Variants in PTPRT observed in about 807,000 individuals in gnomAD.
PTPRT encodes protein tyrosine phosphatase receptor type T.
In PTPRT, 56 loss-of-function variants were observed where a neutral mutation model predicts 176.8. The ratio of observed to expected loss-of-function variants is 0.32; its 90% CI spans 0.26 to 0.40. The LOEUF is 0.40. PTPRT is among the 10% of genes least tolerant of loss of function. PTPRT has a pLI of 1.00. For missense variants in PTPRT, 1,540 were observed against 1,908.2 expected, an observed-to-expected ratio of 0.81 and a Z score of 3.60; for synonymous variants, 783 against 739.0, an observed-to-expected ratio of 1.06 and a Z score of -0.96.
intron 7 of PTPRT, among the ~76,000 whole-genome samples, chr20:42,558,573 G>C (rs775278782): frequency 2.0e-5 from 3 of 152,110 alleles, no homozygotes; most frequent in Admixed American, 6.6e-5. Flanking sequence ...GTTGGTGGGA[G>C]TGTGTATTAT....
intron 16 of PTPRT, among the ~76,000 whole-genome samples, chr20:42,187,713 A>G (rs1003755694): frequency 6.6e-6 from 1 of 152,212 alleles, no homozygotes; most frequent in Non-Finnish European, 1.5e-5. Flanking sequence ...CTTCTAATCC[A>G]TCAGCTCCTT....
intron 2 of PTPRT, among the ~76,000 whole-genome samples, chr20:42,857,203 C>A (rs988611152): frequency 1.3e-5 from 2 of 152,162 alleles, no homozygotes; most frequent in South Asian, 2.1e-4. Context: ...ACCTCACTTT[C>A]TTTTTCTCTA....
intron 13 of PTPRT, among the ~76,000 whole-genome samples, chr20:42,273,704 C>T (rs2056979509): frequency 6.6e-6 from 1 of 152,222 alleles, no homozygotes; most frequent in Admixed American, 6.5e-5. Flanking sequence ...TAAATGAATA[C>T]ATGAAAGTCT....
chr20:42,225,506 C>G (rs1313255638), intron 15 of PTPRT, among the ~76,000 whole-genome samples: 4 of 152,136 alleles, frequency 2.6e-5, no homozygotes, highest in African/African-American at 9.7e-5. Context: ...CTTTCCCTCT[C>G]TATAGCATTC....
At chr20:42,299,419 A>T (rs369064730) in intron 12 of PTPRT, among the ~76,000 whole-genome samples, 5 of 152,322 alleles carry the variant, frequency 3.3e-5, no homozygotes, top group South Asian at 4.1e-4. Flanking sequence ...AAGAGAGAAC[A>T]GAAAATATAT....
intron 19 of PTPRT, among the ~76,000 whole-genome samples, chr20:42,123,183 C>T (rs1470847528): frequency 6.6e-6 from 1 of 152,104 alleles, no homozygotes; most frequent in Non-Finnish European, 1.5e-5. Flanking sequence ...GAAAAAGAGA[C>T]CCTGGAGGAA....
At chr20:42,538,502 C>T (rs2072516213) in intron 7 of PTPRT, among the ~76,000 whole-genome samples, 1 of 152,184 alleles carries the variant, frequency 6.6e-6, no homozygotes, top group Non-Finnish European at 1.5e-5. Flanking sequence ...ATCTTGACCT[C>T]AGCCCCCTAA....
chr20:42,635,864 C>T (rs1380317855), intron 7 of PTPRT, among the ~76,000 whole-genome samples: 2 of 152,030 alleles, frequency 1.3e-5, no homozygotes, highest in African/African-American at 2.4e-5. Flanking sequence ...AGCTTGATAT[C>T]GTCACCAAGA....
At chr20:42,461,858 C>G (rs2071025655) in intron 8 of PTPRT, among the ~76,000 whole-genome samples, 1 of 150,396 alleles carries the variant, frequency 6.6e-6, no homozygotes, top group African/African-American at 2.4e-5. Flanking sequence ...GAAGATAGAG[C>G]TGGGTGTTTC....
intron 1 of PTPRT, among the ~76,000 whole-genome samples, chr20:43,001,305 G>A (rs1376372750): frequency 1.3e-5 from 2 of 152,066 alleles, no homozygotes; most frequent in Non-Finnish European, 2.9e-5. Context: ...TAATATGAAG[G>A]CATCTTAAAT....
chr20:42,101,286 A>G (rs1985912734), intron 26 of PTPRT, among the ~76,000 whole-genome samples: 1 of 152,204 alleles, frequency 6.6e-6, no homozygotes. Context: ...GGGCTGTGCC[A>G]CTAGCTCCCT....
chr20:42,630,146 A>G (rs1030926316), intron 7 of PTPRT, among the ~76,000 whole-genome samples: 1 of 152,082 alleles, frequency 6.6e-6, no homozygotes, highest in Non-Finnish European at 1.5e-5. Flanking sequence ...AGTCAGAGAG[A>G]GATGTCAAGA....
chr20:42,817,898 G>C (rs2077818113), intron 2 of PTPRT, among the ~76,000 whole-genome samples: 1 of 152,162 alleles, frequency 6.6e-6, no homozygotes, highest in African/African-American at 2.4e-5. Flanking sequence ...CGGCGGGAGG[G>C]GCAGCCACAG....
intron 9 of PTPRT, among the ~76,000 whole-genome samples, chr20:42,375,950 A>C (rs1406754165): frequency 6.6e-6 from 1 of 152,186 alleles, no homozygotes; most frequent in Non-Finnish European, 1.5e-5. Flanking sequence ...AAACAAACAA[A>C]CAACCACCAT....
Position 42,817,362 on chromosome 20 carries a change from G to GT in PTPRT, c.215-25897_215-25896insA, listed in dbSNP as rs1220761029. Among the ~76,000 whole-genome samples, 16 of 103,536 alleles carry GT rather than the reference G, an allele frequency of 1.5e-4. No individual in the cohort carries two copies. In the East Asian group the frequency reaches 2.5e-3, roughly 16 times the overall value. The allele number at this position is 103,536 out of a possible 152,430, so 67.9% of individuals were successfully genotyped here. On this transcript the variant is annotated intron_variant, in intron 2 of 30. Coordinates refer to ENST00000373187, the MANE Select transcript of PTPRT (RefSeq NM_007050.6). ...GTTATTTGACATCTTAATCATGTTT[G>GT]GTTTTTTTTTTTTTTTTGGTTTAAC...
chr20:42,855,326 A>G (rs2078542139), intron 2 of PTPRT, among the ~76,000 whole-genome samples: 1 of 152,122 alleles, frequency 6.6e-6, no homozygotes, highest in South Asian at 2.1e-4. Flanking sequence ...AATGAACAAC[A>G]AAAATATTAT....
At chr20:42,547,574 A>G (rs1364324368) in intron 7 of PTPRT, among the ~76,000 whole-genome samples, 1 of 152,114 alleles carries the variant, frequency 6.6e-6, no homozygotes, top group African/African-American at 2.4e-5. Flanking sequence ...TTTTGATTAA[A>G]TCTTTCAGCA....
chr20:42,771,506 C>A lies in PTPRT; in HGVS notation c.613G>T (p.Val205Leu). 1 of 1,614,188 alleles carries A rather than the reference C, an allele frequency of 6.2e-7. No individual in the cohort carries two copies. The highest frequency in any genetic ancestry group is 1.3e-5 in the African/African-American group (1 of 75,050). ...CACTGAAATGTGGCATTCTGCCCCA[C>A]ATTCACCTCCACGTTTTGGAGTCGC... Reference protein sequence around the residue: ...FLRLQNVEVNVGQNATFQCIA... With the variant: ...FLRLQNVEVNLGQNATFQCIA... Residue 205 changes from valine (V) to leucine (L), a missense_variant, in exon 5 of 31, where the codon GTG becomes TTG. Physicochemically the swap from Val to Leu is conservative, Grantham distance 32. Around this residue, in one of 11 missense-constraint regions of PTPRT, gnomAD observed 273 missense variants for 432.1 expected, o/e 0.63. Coordinates refer to ENST00000373187, the MANE Select transcript of PTPRT (RefSeq NM_007050.6).
intron 2 of PTPRT, among the ~76,000 whole-genome samples, chr20:42,801,514 T>C (rs540505748): frequency 6.6e-6 from 1 of 152,322 alleles, no homozygotes; most frequent in Non-Finnish European, 1.5e-5. Context: ...TAATAAAATT[T>C]GTTCTAACCA....
Sources: allele counts gnomAD v4.1 joint callset (sites outside exome capture counted in the v4.1 genomes callset), GRCh38; gene constraint gnomAD v4.1.1; regional missense constraint gnomAD v4.1.1; transcripts MANE v1.5; gene names NCBI Gene and HGNC (gene_info 2026-07-23, HGNC 2026-07-21).